ZNF385D: variants seen among roughly 807,000 people sequenced by gnomAD.
The protein encoded by ZNF385D is zinc finger protein 385D, also known as zinc finger protein 659.
In ZNF385D, 15 loss-of-function variants were observed where a neutral mutation model predicts 35.8. The ratio of observed to expected loss-of-function variants is 0.42; its 90% confidence interval spans 0.28 to 0.64. ZNF385D has a LOEUF of 0.64. Ranked by LOEUF, ZNF385D falls within the 30% of genes least tolerant of loss-of-function variation. The pLI, the probability that ZNF385D is intolerant of heterozygous loss-of-function variation, is 0.23. For synonymous variants in ZNF385D, 212 were observed against 186.8 expected (o/e 1.13, Z -1.10); for missense variants, 474 against 494.6 (o/e 0.96, Z 0.39).
intron 3 of ZNF385D, among the ~76,000 whole-genome samples, chr3:22,058,697 T>G (rs1699540326): frequency 6.6e-6 from 1 of 152,236 alleles, no homozygotes; most frequent in South Asian, 2.1e-4. Context: ...TTTAAAATAT[T>G]TTAAGTACTC....
chr3:21,437,313 A>G (rs1701605937), intron 4 of ZNF385D, 110 bp from the exon 5 acceptor site: 7 of 1,039,846 alleles, frequency 6.7e-6, no homozygotes, highest in Non-Finnish European at 9.6e-6. Context: ...AAGAGCAGCT[A>G]GCAATTGCTG....
chr3:22,129,036 G>C (rs984666453), intron 3 of ZNF385D, among the ~76,000 whole-genome samples: 7 of 152,174 alleles, frequency 4.6e-5, no homozygotes, highest in African/African-American at 1.7e-4. Flanking sequence ...AGCCATATGG[G>C]CATTAGGCAG....
chr3:21,789,513 C>T (rs777276357), intron 3 of ZNF385D, among the ~76,000 whole-genome samples: 1 of 152,082 alleles, frequency 6.6e-6, no homozygotes, highest in Non-Finnish European at 1.5e-5. Context: ...CACACACAGA[C>T]ACACACACAT....
chr3:21,520,764 T>C (rs1170027478), intron 3 of ZNF385D, among the ~76,000 whole-genome samples: 1 of 152,242 alleles, frequency 6.6e-6, no homozygotes, highest in East Asian at 1.9e-4. Flanking sequence ...GTGATGACTC[T>C]GCATTTTAAG....
At chr3:22,140,408 G>A (rs757999810) in intron 3 of ZNF385D, among the ~76,000 whole-genome samples, 3 of 152,128 alleles carry the variant, frequency 2.0e-5, no homozygotes, top group Non-Finnish European at 2.9e-5. Flanking sequence ...GCCGAGGTTG[G>A]GGAAAGGGAG....
At chr3:22,058,138 G>T (rs1241082854) in intron 3 of ZNF385D, among the ~76,000 whole-genome samples, 9 of 152,172 alleles carry the variant, frequency 5.9e-5, no homozygotes, top group Admixed American at 5.9e-4. Context: ...AAGATATGTG[G>T]TTCCTTAAAG....
intron 3 of ZNF385D, among the ~76,000 whole-genome samples, chr3:21,767,609 C>T (rs1242199709): frequency 2.0e-5 from 3 of 151,468 alleles, no homozygotes; most frequent in Non-Finnish European, 4.4e-5. Context: ...CCAATATATA[C>T]CTGGTATATA....
chr3:22,351,216 A>C (rs1695901367), intron 2 of ZNF385D, among the ~76,000 whole-genome samples: 1 of 152,116 alleles, frequency 6.6e-6, no homozygotes, highest in Admixed American at 6.5e-5. Context: ...GTTTTCCATA[A>C]AGACAGTAAT....
intron 2 of ZNF385D, among the ~76,000 whole-genome samples, chr3:22,185,561 G>T (rs1049340250): frequency 2.6e-5 from 4 of 151,994 alleles, no homozygotes; most frequent in Admixed American, 2.6e-4. Flanking sequence ...TCCGCCTCCC[G>T]GGTTCAAGCA....
At chr3:21,966,303 G>A (rs1015673979) in intron 3 of ZNF385D, among the ~76,000 whole-genome samples, 11 of 152,152 alleles carry the variant, frequency 7.2e-5, no homozygotes, top group African/African-American at 2.7e-4. Flanking sequence ...AAAACAAACT[G>A]AACTGGTAGT....
At chr3:22,024,709 G>T (rs749218593) in intron 3 of ZNF385D, among the ~76,000 whole-genome samples, 2 of 152,116 alleles carry the variant, frequency 1.3e-5, no homozygotes, top group Admixed American at 1.3e-4. Flanking sequence ...TTCACCGCTT[G>T]TGAGAGGCAA....
intron 1 of ZNF385D, among the ~76,000 whole-genome samples, chr3:21,680,814 T>C (rs542200107): frequency 6.6e-6 from 1 of 151,190 alleles, no homozygotes; most frequent in Admixed American, 6.6e-5. Context: ...AAAATTTTAG[T>C]TGGTTATTTT....
At chr3:21,918,603 A>G (rs10865777) in intron 3 of ZNF385D, among the ~76,000 whole-genome samples, 81,302 of 151,976 alleles carry the variant, frequency 0.53, 23,806 homozygotes, top group South Asian at 0.66. Context: ...CATACATGAG[A>G]GGAAAAGTGA....
intron 2 of ZNF385D, among the ~76,000 whole-genome samples, chr3:22,205,420 A>G (rs541720453): frequency 6.6e-6 from 1 of 152,154 alleles, no homozygotes; most frequent in South Asian, 2.1e-4. Context: ...ATGAGCAACA[A>G]TAAATCATCT....
At chr3:22,293,238 C>G (rs1702395189) in intron 2 of ZNF385D, among the ~76,000 whole-genome samples, 1 of 152,046 alleles carries the variant, frequency 6.6e-6, no homozygotes, top group Non-Finnish European at 1.5e-5. Context: ...GAGCAAGCCC[C>G]ATTATTAGGG....
chr3:22,241,494 C>T (rs964710069), intron 2 of ZNF385D, among the ~76,000 whole-genome samples: 8 of 151,200 alleles, frequency 5.3e-5, no homozygotes, highest in African/African-American at 2.0e-4. Context: ...GTTTCCAAAT[C>T]GTGGACAAGA....
intron 2 of ZNF385D, among the ~76,000 whole-genome samples, chr3:22,228,057 G>A (rs945269413): frequency 6.6e-6 from 1 of 152,166 alleles, no homozygotes; most frequent in Non-Finnish European, 1.5e-5. Context: ...CAACTATGAA[G>A]GGATGAAGAC....
chr3:22,117,632 T>C (rs1420745977), intron 3 of ZNF385D, among the ~76,000 whole-genome samples: 1 of 152,010 alleles, frequency 6.6e-6, no homozygotes, highest in African/African-American at 2.4e-5. Flanking sequence ...TTAAATTGAA[T>C]ATTTTAGATA....
intron 3 of ZNF385D, among the ~76,000 whole-genome samples, chr3:21,860,383 G>C (rs1475032418): frequency 6.6e-6 from 1 of 152,068 alleles, no homozygotes; most frequent in African/African-American, 2.4e-5. Flanking sequence ...GCAGTAGTTT[G>C]ACAACCCCCA....
Sources: gnomAD v4.1 joint callset for allele counts (sites outside exome capture counted in the v4.1 genomes callset) on GRCh38, gnomAD v4.1.1 for gene constraint, MANE v1.5 for transcripts, NCBI Gene and HGNC (gene_info 2026-07-23, HGNC 2026-07-21) for gene names.